Variants in SRRM3 observed in about 807,000 individuals in gnomAD.
The protein encoded by SRRM3 is serine/arginine repetitive matrix protein 3.
A neutral mutation model predicts 66.2 loss-of-function variants in SRRM3; 27 were observed. That is an observed-to-expected ratio of 0.41 (90% CI 0.30 to 0.56). The LOEUF is 0.56. SRRM3 is among the 20% of genes least tolerant of loss of function. The probability of loss-of-function intolerance (pLI) is 0.32; values close to 1 mark genes in which losing one functional copy is unlikely to be tolerated. For synonymous variants in SRRM3, 391 were observed against 414.9 expected (o/e 0.94, Z 0.70); for missense variants, 918 against 991.9 (o/e 0.93, Z 1.00).
At chr7:76,244,386 A>C (rs1330650317) in intron 2 of SRRM3, among the ~76,000 whole-genome samples, 2 of 152,024 alleles carry the variant, frequency 1.3e-5, no homozygotes, top group South Asian at 2.1e-4. Flanking sequence ...TTAGCTGGGC[A>C]TGGTGGCGGA....
chr7:76,266,490 A>G (rs1802051080), intron 10 of SRRM3, among the ~76,000 whole-genome samples: 1 of 109,814 alleles, frequency 9.1e-6, no homozygotes, highest in African/African-American at 3.8e-5. Context: ...TATTTTATAT[A>G]TTTATATATT....
At chr7:76,207,389 A>G (rs1800327846) in intron 1 of SRRM3, among the ~76,000 whole-genome samples, 1 of 152,188 alleles carries the variant, frequency 6.6e-6, no homozygotes. Flanking sequence ...AACCAAGGAG[A>G]AAATAGAAAC....
chr7:76,244,173 G>A (rs1274527873), intron 2 of SRRM3, among the ~76,000 whole-genome samples: 1 of 152,174 alleles, frequency 6.6e-6, no homozygotes, highest in Non-Finnish European at 1.5e-5. Context: ...GAGCGACACA[G>A]CAGGCTGAAC....
In SRRM3 at chr7:76,282,803, G is replaced by T. The variant is rs1366460416; in HGVS notation, c.1526G>T (p.Arg509Leu). The T allele has an allele frequency of 2.7e-6, 4 of 1,465,718 alleles. No homozygotes were observed. The African/African-American group carries it at 4.4e-5, about 16-fold the overall frequency. The allele number at this position is 1,465,718 out of a possible 1,614,324, so 90.8% of individuals were successfully genotyped here. A position where few individuals can be genotyped will look rare whatever the true frequency, so the allele number is the denominator to read the frequency against. The change falls in exon 13 of 15, where the codon CGC becomes CTC. Residue 509 changes from arginine to leucine, a missense_variant. Arg to Leu is a moderately radical substitution (Grantham distance 102). Transcript: ENST00000611745. ...WSSSRSPSKS[R>L]SRSAEKRPHS... The stretch of plus-strand genomic sequence containing the variant: ...TCCAGCCGCTCGCCCTCCAAATCTC[G>T]CTCGCGCTCTGCGGAGAAGCGGCCC...
At chr7:76,237,760 A>G (rs1474173543) in intron 2 of SRRM3, among the ~76,000 whole-genome samples, 27 of 151,410 alleles carry the variant, frequency 1.8e-4, no homozygotes, top group Admixed American at 1.8e-3. Context: ...ACCCATCCCC[A>G]TCCTCAGCCC....
chr7:76,213,245 A>G (rs1322152949), intron 1 of SRRM3, among the ~76,000 whole-genome samples: 1 of 151,752 alleles, frequency 6.6e-6, no homozygotes, highest in Non-Finnish European at 1.5e-5. Context: ...TCCTGACCTC[A>G]GGCAATCCAC....
At chr7:76,280,948 G>A (rs1401557858) in intron 11 of SRRM3, among the ~76,000 whole-genome samples, 1 of 67,728 alleles carries the variant, frequency 1.5e-5, no homozygotes, top group African/African-American at 6.0e-5. Context: ...CCCCACCCCC[G>A]TCTCTCCTCT....
At chr7:76,250,422 T>G (rs1425543933) in intron 3 of SRRM3, among the ~76,000 whole-genome samples, 1 of 151,914 alleles carries the variant, frequency 6.6e-6, no homozygotes, top group Non-Finnish European at 1.5e-5. Context: ...TTAGTAGAGA[T>G]GGGGTTTCGC....
At chr7:76,261,041 C>A in intron 6 of SRRM3, 138 bp downstream of exon 6, 2 of 912,740 alleles carry the variant, frequency 2.2e-6, no homozygotes, top group South Asian at 1.7e-5. Flanking sequence ...CAAGTTTTGC[C>A]CCTACAGAGG....
chr7:76,215,191 C>G (rs949215693), intron 1 of SRRM3, among the ~76,000 whole-genome samples: 3 of 151,684 alleles, frequency 2.0e-5, no homozygotes, highest in Admixed American at 2.0e-4. Flanking sequence ...TGTTTTAAAG[C>G]ACAACTAACA....
intron 1 of SRRM3, among the ~76,000 whole-genome samples, chr7:76,230,669 A>G (rs1459060437): frequency 4.6e-5 from 7 of 151,598 alleles, no homozygotes; most frequent in African/African-American, 1.7e-4. Flanking sequence ...GGAAGGGAAC[A>G]GAAGGGAAGG....
chr7:76,273,722 C>T (rs1802268586), intron 11 of SRRM3: 1 of 152,140 alleles, frequency 6.6e-6, no homozygotes. Context: ...ATATTCCTCC[C>T]TTTTCTTTCT....
At chr7:76,259,883 G>A (rs1213515992) in intron 3 of SRRM3, 23 bp from the exon 4 acceptor site, 62 of 1,600,122 alleles carry the variant, frequency 3.9e-5, no homozygotes, top group Non-Finnish European at 5.1e-5. Context: ...GAGACTGGTG[G>A]TGAGCGTCCC....
At position 76,282,686 on chromosome 7, in the gene SRRM3, C is replaced by A; in HGVS notation, c.1409C>A (p.Thr470Asn). Residue 470 changes from threonine (T) to asparagine (N), a missense_variant, in exon 13 of 15, where the codon ACC becomes AAC. By Grantham distance (65) the Thr-to-Asn change is moderately conservative. Coordinates refer to ENST00000611745, the MANE Select transcript of SRRM3 (RefSeq NM_001110199.3). ...CCCCCGCGCGCGCGGCCCGCCAGCACCTCTCCGTCCCCGGGCGCGCACGGC... is the reference window on the plus strand; with the variant it reads ...CCCCCGCGCGCGCGGCCCGCCAGCAACTCTCCGTCCCCGGGCGCGCACGGC... ...ERPPRARPAS[T>N]SPSPGAHGRR... is the part of the protein sequence containing the mutation. The A allele has an allele frequency of 2.1e-6, 3 of 1,426,542 alleles. No individual in the cohort carries two copies. Among genetic ancestry groups the A allele is most frequent in the Non-Finnish European group, 2.7e-6 (3 of 1,097,054 alleles). The allele number at this position is 1,426,542 out of a possible 1,614,324, so 88.4% of individuals were successfully genotyped here.
intron 11 of SRRM3, among the ~76,000 whole-genome samples, chr7:76,277,652 C>A (rs899686676): frequency 3.0e-4 from 44 of 147,798 alleles, no homozygotes; most frequent in Non-Finnish European, 1.8e-4. Flanking sequence ...GAGCCAAGAT[C>A]GTGCCATTGC....
chr7:76,257,763 C>T (rs1223255952), intron 3 of SRRM3, among the ~76,000 whole-genome samples: 1 of 151,668 alleles, frequency 6.6e-6, no homozygotes, highest in Non-Finnish European at 1.5e-5. Context: ...CAGGGTGAGA[C>T]CCTGTCTCAA....
At chr7:76,217,496 G>T (rs1800599502) in intron 1 of SRRM3, among the ~76,000 whole-genome samples, 1 of 152,100 alleles carries the variant, frequency 6.6e-6, no homozygotes, top group South Asian at 2.1e-4. Flanking sequence ...TATTGGCCAG[G>T]CTGTTCTCAA....
intron 2 of SRRM3, among the ~76,000 whole-genome samples, chr7:76,245,356 G>GACCCATGCTGC (rs1180461594): frequency 6.6e-6 from 1 of 152,102 alleles, no homozygotes; most frequent in African/African-American, 2.4e-5. Context: ...GGGAGGGCTG[G>GACCCATGCTGC]ACCCATGCTG....
chr7:76,207,322 A>AAG (rs141199793), intron 1 of SRRM3, among the ~76,000 whole-genome samples: 53 of 149,828 alleles, frequency 3.5e-4, no homozygotes, highest in Admixed American at 1.3e-3. Flanking sequence ...AACACAGAGA[A>AAG]AGAGAGAGAG....
Sources: gnomAD v4.1 joint callset for allele counts (sites outside exome capture counted in the v4.1 genomes callset) on GRCh38, gnomAD v4.1.1 for gene constraint, MANE v1.5 for transcripts, NCBI Gene and HGNC (gene_info 2026-07-23, HGNC 2026-07-21) for gene names.